The following DNAH8 variants were observed in gnomAD, a reference collection of about 807,000 sequenced individuals.
DNAH8 encodes dynein axonemal heavy chain 8, also known as axonemal beta dynein heavy chain 8.
DNAH8 carries 382 observed loss-of-function variants against 562.1 expected under a neutral mutation model. The ratio of observed to expected loss-of-function variants is 0.68; its 90% CI spans 0.63 to 0.74. The LOEUF (loss-of-function observed/expected upper bound fraction) is 0.74. Ranked by LOEUF, DNAH8 falls within the 30% of genes least tolerant of loss-of-function variation. DNAH8 has a pLI of 0.00. For synonymous variants in DNAH8, 1,881 were observed against 1,919.4 expected (o/e 0.98, Z 0.52); for missense variants, 5,203 against 5,620.4 (o/e 0.93, Z 2.37).
At chr6:38,791,038 T>G (rs1769693776) in intron 20 of DNAH8, among the ~76,000 whole-genome samples, 1 of 152,184 alleles carries the variant, frequency 6.6e-6, no homozygotes, top group Non-Finnish European at 1.5e-5. Flanking sequence ...TATTTAATAT[T>G]AACTAGATGA....
chr6:38,742,551 C>G (rs1764603783), intron 8 of DNAH8, among the ~76,000 whole-genome samples: 1 of 152,218 alleles, frequency 6.6e-6, no homozygotes, highest in African/African-American at 2.4e-5. Context: ...ATCCGCCCAC[C>G]TCAGCCTCCC....
intron 10 of DNAH8, among the ~76,000 whole-genome samples, chr6:38,759,497 C>G (rs1350624856): frequency 6.6e-6 from 1 of 152,136 alleles, no homozygotes; most frequent in Non-Finnish European, 1.5e-5. Flanking sequence ...CTCTCAGAAT[C>G]CTTCCTCTTT....
intron 82 of DNAH8, chr6:38,953,151 T>G (rs1468431481): frequency 6.6e-6 from 1 of 152,248 alleles, no homozygotes; most frequent in Non-Finnish European, 1.5e-5. Context: ...CCTCTTATTG[T>G]CATGGTTCCA....
At chr6:38,793,109 G>T (rs1470102681) in intron 21 of DNAH8, among the ~76,000 whole-genome samples, 2 of 152,086 alleles carry the variant, frequency 1.3e-5, no homozygotes, top group Non-Finnish European at 2.9e-5. Context: ...CAGTTTTGGG[G>T]TCTTGACTAT....
chr6:38,715,944 ATATATATATATATATATTTTT>A lies in DNAH8; in HGVS notation c.-35+531_-35+551del, dbSNP rs1187738650. On this transcript the variant is annotated intron_variant, in intron 1 of 92. Transcript: ENST00000327475. ...TAAATAAATATATATATATATATATATATATATATATATATATTTTTTTTTTTTTTTTGAGACGGAGTCTCA... is the reference window on the plus strand; with the variant it reads ...TAAATAAATATATATATATATATATATTTTTTTTTTTGAGACGGAGTCTCA... Among the ~76,000 whole-genome samples the A allele has an allele frequency of 1.8e-4, 4 of 22,458 alleles. 1 individual carries two copies. Among genetic ancestry groups the A allele is most frequent in the Non-Finnish European group, 3.0e-4 (4 of 13,214 alleles). The allele number at this position is 22,458 out of a possible 152,430, so 14.7% of individuals were successfully genotyped here.
At chr6:38,725,304 T>TATAATAATAATGATA (rs1763120916) in intron 3 of DNAH8, among the ~76,000 whole-genome samples, 1 of 135,386 alleles carries the variant, frequency 7.4e-6, no homozygotes, top group East Asian at 2.2e-4. Context: ...CTCCAACTCA[T>TATAATAATAATGATA]ATAATAATAA....
intron 89 of DNAH8, among the ~76,000 whole-genome samples, chr6:39,010,911 A>T (rs1766172525): frequency 6.6e-6 from 1 of 151,808 alleles, no homozygotes; most frequent in African/African-American, 2.4e-5. Flanking sequence ...AGGACTTGGG[A>T]TGGAGATGAG....
intron 82 of DNAH8, among the ~76,000 whole-genome samples, chr6:38,956,749 A>G (rs1202206975): frequency 6.6e-6 from 1 of 152,234 alleles, no homozygotes; most frequent in Non-Finnish European, 1.5e-5. Context: ...GCCTCATGGT[A>G]ACCACAAAGC....
intron 3 of DNAH8, among the ~76,000 whole-genome samples, chr6:38,725,886 TTTCTTTGCCA>T (rs1763179689): frequency 6.6e-6 from 1 of 152,192 alleles, no homozygotes; most frequent in African/African-American, 2.4e-5. Flanking sequence ...GTAAGAGGAT[TTTCTTTGCCA>T]TTCACAAGTT....
At chr6:38,928,549 A>T (rs1583380345) in intron 74 of DNAH8, among the ~76,000 whole-genome samples, 1 of 152,230 alleles carries the variant, frequency 6.6e-6, no homozygotes, top group Non-Finnish European at 1.5e-5. Flanking sequence ...ATTTTTTTTT[A>T]GTTATTTCCT....
chr6:38,986,979 G>A (rs1764440928), intron 87 of DNAH8, among the ~76,000 whole-genome samples: 1 of 152,248 alleles, frequency 6.6e-6, no homozygotes, highest in Non-Finnish European at 1.5e-5. Context: ...CAAACTCTGA[G>A]CACCAGAAAC....
intron 23 of DNAH8, among the ~76,000 whole-genome samples, chr6:38,807,173 G>A (rs1771355425): frequency 6.6e-6 from 1 of 152,198 alleles, no homozygotes; most frequent in Admixed American, 6.5e-5. Flanking sequence ...ATATATTTGA[G>A]TATTGCACAT....
At chr6:38,968,879 A>C (rs1011238583) in intron 82 of DNAH8, among the ~76,000 whole-genome samples, 1 of 152,216 alleles carries the variant, frequency 6.6e-6, no homozygotes, top group Non-Finnish European at 1.5e-5. Flanking sequence ...AAGTGAAAAC[A>C]ACCCAAATGT....
At chr6:39,003,524 AG>A (rs777403141) in intron 88 of DNAH8, among the ~76,000 whole-genome samples, 15 of 152,352 alleles carry the variant, frequency 9.8e-5, no homozygotes, top group Middle Eastern at 3.4e-3. Flanking sequence ...TTACATAAAA[AG>A]CTCATCATAC....
intron 7 of DNAH8, among the ~76,000 whole-genome samples, chr6:38,739,211 C>G (rs749874020): frequency 1.6e-4 from 25 of 151,898 alleles, no homozygotes; most frequent in Non-Finnish European, 2.8e-4. Context: ...ATGTTGGTCC[C>G]CATTGTGTCA....
chr6:38,965,902 A>G (rs1025162944), intron 82 of DNAH8, among the ~76,000 whole-genome samples: 1 of 152,238 alleles, frequency 6.6e-6, no homozygotes, highest in Non-Finnish European at 1.5e-5. Flanking sequence ...ATCACCTTAT[A>G]TTAAATGAAG....
rs185398841 is a variant in DNAH8, at chr6:38,944,515, G to A, written c.12008-952G>A. 5.3e-5 allele frequency among the ~76,000 whole-genome samples: 8 copies of A among 152,290 alleles called. No individual in the cohort carries two copies. The East Asian group carries it at 9.7e-4, about 18-fold the overall frequency. The stretch of plus-strand genomic sequence containing the variant: ...AAGATTTAAAAGTTAAAGAATCACT[G>A]CTTTGCATGCATCTGAATTAAACAA... On this transcript the variant is annotated intron_variant, in intron 79 of 92. Transcript: ENST00000327475.
intron 3 of DNAH8, among the ~76,000 whole-genome samples, chr6:38,723,896 T>C (rs1298137305): frequency 1.3e-5 from 2 of 151,638 alleles, no homozygotes; most frequent in African/African-American, 4.8e-5. Context: ...AAGACAAAAG[T>C]TGGAATTTTA....
intron 87 of DNAH8, 81 bp from the exon 88 acceptor site, chr6:38,989,931 A>G: frequency 1.4e-6 from 1 of 720,478 alleles, no homozygotes; most frequent in Non-Finnish European, 2.4e-6. Context: ...AATGGAAATA[A>G]GGTGGCCCCT....
Sources: allele counts gnomAD v4.1 joint callset (sites outside exome capture counted in the v4.1 genomes callset), GRCh38; gene constraint gnomAD v4.1.1; transcripts MANE v1.5; gene names NCBI Gene and HGNC (gene_info 2026-07-23, HGNC 2026-07-21).